The following GRIN2B variants were observed in gnomAD, a reference collection of about 807,000 sequenced individuals.
GRIN2B encodes the protein glutamate receptor ionotropic, NMDA 2B.
In GRIN2B, 5 loss-of-function variants were observed where a neutral mutation model predicts 114.5. The observed-to-expected ratio is 0.04, with a 90% CI of 0.02 to 0.09. The LOEUF (loss-of-function observed/expected upper bound fraction) is 0.09. GRIN2B is among the 10% of genes least tolerant of loss of function. The pLI, the probability that GRIN2B is intolerant of heterozygous loss-of-function variation, is 1.00. For synonymous variants in GRIN2B, 787 were observed against 745.1 expected (o/e 1.06, Z -0.92); for missense variants, 1,108 against 1,943.5 (o/e 0.57, Z 8.08).
At chr12:13,779,508 A>C (rs938026477) in intron 3 of GRIN2B, among the ~76,000 whole-genome samples, 1 of 152,254 alleles carries the variant, frequency 6.6e-6, no homozygotes, top group East Asian at 1.9e-4. Context: ...ATTAAAATAA[A>C]TAAAATGAAA....
At chr12:13,951,404 G>A (rs529648694) in intron 2 of GRIN2B, among the ~76,000 whole-genome samples, 19 of 152,212 alleles carry the variant, frequency 1.2e-4, no homozygotes, top group Admixed American at 1.2e-3. Context: ...CCTGCAGCCT[G>A]AATAAGAAAA....
At chr12:13,979,037 G>C (rs886786837) in intron 2 of GRIN2B, among the ~76,000 whole-genome samples, 2 of 152,082 alleles carry the variant, frequency 1.3e-5, no homozygotes, top group African/African-American at 4.8e-5. Context: ...AAAGACTCAC[G>C]TGTCGAATTC....
intron 4 of GRIN2B, among the ~76,000 whole-genome samples, chr12:13,752,618 G>A (rs956791330): frequency 6.6e-6 from 1 of 152,186 alleles, no homozygotes; most frequent in African/African-American, 2.4e-5. Context: ...ACCCCACGGA[G>A]GATGCACTGC....
intron 4 of GRIN2B, among the ~76,000 whole-genome samples, chr12:13,682,238 A>C (rs1950137482): frequency 6.6e-6 from 1 of 152,306 alleles, no homozygotes; most frequent in South Asian, 2.1e-4. Flanking sequence ...CCTCTTTTTA[A>C]GGAAGAAGGA....
At position 13,559,983 on chromosome 12, in the gene GRIN2B, T is replaced by TG. The variant is rs1186756488; in HGVS notation, c.*2799dup. The TG allele has an allele frequency of 6.6e-6, 1 of 152,230 alleles. No individual in the cohort carries two copies. Among genetic ancestry groups the TG allele is most frequent in the Non-Finnish European group, 1.5e-5 (1 of 68,046 alleles). The allele number at this position is 152,230 out of a possible 1,614,324, so 9.4% of individuals were successfully genotyped here. A position where few individuals can be genotyped will look rare whatever the true frequency, so the allele number is the denominator to read the frequency against. ...TGGGAATCTTTCCTACCCTAGGTAC[T>TG]GACAGAGGAAATATGGTGCCACCAG... On this transcript the variant is annotated 3_prime_UTR_variant, in exon 14 of 14. Transcript: ENST00000609686.
At chr12:13,731,038 T>C (rs908625257) in intron 4 of GRIN2B, among the ~76,000 whole-genome samples, 2 of 152,174 alleles carry the variant, frequency 1.3e-5, no homozygotes, top group Admixed American at 6.5e-5. Flanking sequence ...GAACTATAGC[T>C]GATGTTCAAG....
chr12:13,690,656 A>G (rs1950209261), intron 4 of GRIN2B, among the ~76,000 whole-genome samples: 1 of 152,104 alleles, frequency 6.6e-6, no homozygotes, highest in Non-Finnish European at 1.5e-5. Flanking sequence ...TATTCTCTCC[A>G]TGGTATTGTG....
intron 3 of GRIN2B, among the ~76,000 whole-genome samples, chr12:13,829,584 T>G (rs1464039890): frequency 3.3e-5 from 5 of 152,204 alleles, no homozygotes; most frequent in African/African-American, 1.2e-4. Flanking sequence ...GAAGACCCAA[T>G]GATAATGCAG....
Position 13,753,565 on chromosome 12 carries a change from G to A in GRIN2B, c.762C>T (p.Tyr254=). ...CCACCAGACTGGGCACGATCCACGT[G>A]TAGCCATAGCCAGTCAGCCCTACTG... The part of the protein sequence containing the change: ...ANSVGLTGYG[Y]TWIVPSLVAG... Residue 254 remains tyrosine, a synonymous_variant, in exon 4 of 14, where the codon TAC becomes TAT. Transcript: ENST00000609686. The surrounding 1 kb of genome is among the most constrained non-coding windows in gnomAD (Gnocchi z 6.2). The A allele has an allele frequency of 6.2e-7, 1 of 1,614,172 alleles. No homozygotes were observed. The highest frequency in any genetic ancestry group is 8.5e-7 in the Non-Finnish European group (1 of 1,180,000).
At chr12:13,965,965 CTT>C (rs1207271871) in intron 2 of GRIN2B, among the ~76,000 whole-genome samples, 1 of 152,212 alleles carries the variant, frequency 6.6e-6, no homozygotes, top group Non-Finnish European at 1.5e-5. Context: ...TCCCTCCAGA[CTT>C]TCTCATCTAG....
At chr12:13,764,449 GC>G (rs1291983465) in intron 3 of GRIN2B, among the ~76,000 whole-genome samples, 4 of 152,112 alleles carry the variant, frequency 2.6e-5, no homozygotes, top group Non-Finnish European at 5.9e-5. Context: ...GCTCTAACCG[GC>G]TAACACCGTT....
intron 3 of GRIN2B, among the ~76,000 whole-genome samples, chr12:13,827,389 C>G (rs1865063369): frequency 6.6e-6 from 1 of 151,460 alleles, no homozygotes; most frequent in Non-Finnish European, 1.5e-5. Context: ...CTTTGCTTTT[C>G]CCTTCTGGGT....
chr12:13,795,891 G>A (rs1025930275), intron 3 of GRIN2B, among the ~76,000 whole-genome samples: 1 of 151,982 alleles, frequency 6.6e-6, no homozygotes. Context: ...ATGAGAACAC[G>A]TGGACAAAGG....
At position 13,976,711 on chromosome 12, in the gene GRIN2B, T is replaced by C. The variant is rs1008471977; in HGVS notation, c.-19+3217A>G. Among the ~76,000 whole-genome samples the C allele has an allele frequency of 5.3e-5, 8 of 152,274 alleles. No individual in the cohort carries two copies. In the East Asian group the frequency reaches 9.6e-4, roughly 18 times the overall value. ...TTATAGCCCATAAATATTAACAATTTTTTTACTTTAACCTGTTAGTAGTAT... is the reference window on the plus strand; with the variant it reads ...TTATAGCCCATAAATATTAACAATTCTTTTACTTTAACCTGTTAGTAGTAT... On this transcript the variant is annotated intron_variant, in intron 2 of 13. Coordinates refer to ENST00000609686, the MANE Select transcript of GRIN2B (RefSeq NM_000834.5).
chr12:13,590,950 T>C (rs1248068302), intron 10 of GRIN2B, among the ~76,000 whole-genome samples: 5 of 152,086 alleles, frequency 3.3e-5, no homozygotes, highest in Non-Finnish European at 2.9e-5. Flanking sequence ...GCCCTTACTA[T>C]GTGCCTAGGA....
chr12:13,613,849 T>A (rs749667679), intron 8 of GRIN2B, among the ~76,000 whole-genome samples: 14 of 152,118 alleles, frequency 9.2e-5, no homozygotes, highest in Non-Finnish European at 1.9e-4. Context: ...CTCCTCTGAA[T>A]ACAGACGTAA....
intron 10 of GRIN2B, among the ~76,000 whole-genome samples, chr12:13,595,762 C>T (rs1015127767): frequency 5.3e-5 from 8 of 152,184 alleles, no homozygotes; most frequent in Non-Finnish European, 8.8e-5. Context: ...ATTTGCATAA[C>T]GAGGCAGGTG....
intron 5 of GRIN2B, among the ~76,000 whole-genome samples, chr12:13,635,945 C>T (rs886691328): frequency 1.3e-5 from 2 of 152,148 alleles, no homozygotes; most frequent in Admixed American, 6.6e-5. Flanking sequence ...TGATGATAAA[C>T]TAGTCCCTGC....
chr12:13,824,855 CAAAAAAAA>C lies in GRIN2B; in HGVS notation c.411+40935_411+40942del, dbSNP rs34417194. Among the ~76,000 whole-genome samples the C allele has an allele frequency of 9.5e-4, 90 of 95,116 alleles. 1 individual carries two copies. The highest frequency in any genetic ancestry group is 5.0e-4 in the Non-Finnish European group (26 of 51,620). 62.4% of individuals were successfully genotyped at this position (95,116 alleles called of 152,430 possible). A position where few individuals can be genotyped will look rare whatever the true frequency, so the allele number is the denominator to read the frequency against. ...TGGGCAACAGAGCGAGACTCCATTT[CAAAAAAAA>C]AAAAAAAAAAAAAAATCCAGCTTTA... On this transcript the variant is annotated intron_variant, in intron 3 of 13. Transcript: ENST00000609686.
Sources: allele counts gnomAD v4.1 joint callset (sites outside exome capture counted in the v4.1 genomes callset), GRCh38; gene constraint gnomAD v4.1.1; non-coding constraint Gnocchi (gnomAD v3.1); transcripts MANE v1.5; gene names NCBI Gene and HGNC (gene_info 2026-07-23, HGNC 2026-07-21).